The following SH3GLB1 variants were observed in gnomAD, a reference collection of about 807,000 sequenced individuals.
SH3GLB1 encodes the protein SH3 domain containing GRB2 like, endophilin B1.
In SH3GLB1, 17 loss-of-function variants were observed where a neutral mutation model predicts 42.0. The observed-to-expected ratio is 0.40, with a 90% CI of 0.28 to 0.61. The LOEUF is 0.61. Among genes scored for constraint, SH3GLB1 ranks in the 20% least tolerant of loss-of-function variants. The probability of loss-of-function intolerance (pLI) is 0.36; values close to 1 mark genes in which losing one functional copy is unlikely to be tolerated. For missense variants in SH3GLB1, 355 were observed against 426.3 expected (o/e 0.83, Z 1.47); for synonymous variants, 132 against 146.6 (o/e 0.90, Z 0.72).
chr1:86,717,221 T>C (rs1654587437), intron 2 of SH3GLB1, among the ~76,000 whole-genome samples: 2 of 152,216 alleles, frequency 1.3e-5, no homozygotes. Context: ...GCCATTTAAA[T>C]TCTACACTCT....
intron 4 of SH3GLB1, 64 bp from the exon 5 acceptor site, chr1:86,724,249 T>C: frequency 1.8e-6 from 2 of 1,126,786 alleles, no homozygotes; most frequent in South Asian, 3.1e-5. Context: ...ATACTTTAAA[T>C]GTGTATGCTC....
intron 6 of SH3GLB1, 136 bp from the exon 7 acceptor site, chr1:86,734,943 A>G (rs562029598): frequency 2.9e-6 from 2 of 688,816 alleles, no homozygotes; most frequent in East Asian, 5.3e-5. Context: ...ACGAAGGCCA[A>G]TCTTAATAAG....
rs1021322057 is a variant in SH3GLB1 at position 86,724,917 on chromosome 1, TATATA to T, written c.570+518_570+522del. Among the ~76,000 whole-genome samples, 66 of 125,348 alleles carry T rather than the reference TATATA, an allele frequency of 5.3e-4. 3 individuals are homozygous for T. The highest frequency in any genetic ancestry group is 2.0e-3 in the African/African-American group (60 of 29,698). 82.2% of individuals were successfully genotyped at this position (125,348 alleles called of 152,430 possible). ...AATATATATATATATATATATAAAA[TATATA>T]ATATATATGTGTGTGTATATATATA... On this transcript the variant is annotated intron_variant, in intron 5 of 8. Transcript: ENST00000370558.
chr1:86,726,490 G>GT (rs953436476), intron 5 of SH3GLB1, among the ~76,000 whole-genome samples: 6 of 150,894 alleles, frequency 4.0e-5, no homozygotes, highest in Non-Finnish European at 7.4e-5. Flanking sequence ...GAGGATAAAG[G>GT]TTTTTTTTCT....
At chr1:86,732,698 C>T (rs1655577173) in intron 5 of SH3GLB1, among the ~76,000 whole-genome samples, 1 of 152,192 alleles carries the variant, frequency 6.6e-6, no homozygotes, top group Admixed American at 6.5e-5. Flanking sequence ...AACCTAGAAG[C>T]CTGATCCCTC....
At chr1:86,736,207 T>A (rs1199973613) in intron 7 of SH3GLB1, among the ~76,000 whole-genome samples, 1 of 152,140 alleles carries the variant, frequency 6.6e-6, no homozygotes, top group Non-Finnish European at 1.5e-5. Context: ...TAAGTTGTTG[T>A]AAGGAGTTTG....
In SH3GLB1 at chr1:86,716,536, G is replaced by A. The variant is rs374763074; in HGVS notation, c.214+671G>A. Among the ~76,000 whole-genome samples the A allele has an allele frequency of 2.2e-4, 33 of 152,196 alleles. No homozygotes were observed. The East Asian group carries it at 6.4e-3, about 29-fold the overall frequency. On this transcript the variant is annotated intron_variant, in intron 2 of 8. Coordinates refer to ENST00000370558, the MANE Select transcript of SH3GLB1 (RefSeq NM_016009.5). ...CTGACCTCGTGATCCACCTGCCTCGGCCTCCCAAAGTACTGGGATGACAGC... is the reference window on the plus strand; with the variant it reads ...CTGACCTCGTGATCCACCTGCCTCGACCTCCCAAAGTACTGGGATGACAGC...
chr1:86,734,026 TGAAA>T lies in SH3GLB1; in HGVS notation c.571-569_571-566del, dbSNP rs1655652702. 3.9e-5 allele frequency among the ~76,000 whole-genome samples: 6 copies of T among 152,256 alleles called. No homozygotes were observed. The South Asian group carries it at 1.0e-3, about 26-fold the overall frequency. On this transcript the variant is annotated intron_variant, in intron 5 of 8. Transcript: ENST00000370558. ...TTATGCATAGTTTGAAAAGAAAATT[TGAAA>T]GAAAGACATTTAAAATGTAGGACAA... is the stretch of plus-strand genomic sequence containing the variant.
chr1:86,713,255 A>AT (rs1654318455), intron 1 of SH3GLB1, among the ~76,000 whole-genome samples: 2 of 151,686 alleles, frequency 1.3e-5, no homozygotes, highest in South Asian at 2.1e-4. Flanking sequence ...AATTTTTTGG[A>AT]TTTTTTTGTA....
Position 86,719,563 on chromosome 1 carries a change from A to C in SH3GLB1, c.271A>C (p.Ile91Leu). ...EKLDRKAPSR[I>L]NNPELLGQYM... ...ACTGGATAGAAAAGCTCCAAGTCGT[A>C]TAAACAACCCAGAACTTTTGGGACA... is the stretch of plus-strand genomic sequence containing the variant. Residue 91 changes from isoleucine to leucine, a missense_variant, in exon 3 of 9, where the codon ATA becomes CTA. Physicochemically the swap from Ile to Leu is conservative, Grantham distance 5 (BLOSUM62 2). Transcript: ENST00000370558. The C allele has an allele frequency of 6.2e-7, 1 of 1,611,278 alleles. No homozygotes were observed. Among genetic ancestry groups the C allele is most frequent in the South Asian group, 1.1e-5 (1 of 90,756 alleles).
intron 7 of SH3GLB1, 124 bp from the exon 8 acceptor site, chr1:86,742,084 T>C: frequency 1.5e-6 from 1 of 654,812 alleles, no homozygotes; most frequent in Admixed American, 2.8e-5. Flanking sequence ...ATTAACGTAT[T>C]ATTAATATCT....
intron 4 of SH3GLB1, among the ~76,000 whole-genome samples, chr1:86,722,894 A>G (rs1006985749): frequency 1.5e-4 from 23 of 152,188 alleles, no homozygotes; most frequent in Admixed American, 3.9e-4. Context: ...AGATGCCTTT[A>G]TCCCTTTTCA....
Position 86,745,420 on chromosome 1 carries a change from C to T in SH3GLB1, c.*2185C>T, listed in dbSNP as rs969791199. The T allele has an allele frequency of 6.6e-6, 1 of 152,216 alleles. No homozygotes were observed. Among genetic ancestry groups the T allele is most frequent in the Admixed American group, 6.5e-5 (1 of 15,274 alleles). The allele number at this position is 152,216 out of a possible 1,614,324, so 9.4% of individuals were successfully genotyped here. On this transcript the variant is annotated 3_prime_UTR_variant, in exon 9 of 9. Coordinates refer to ENST00000370558, the MANE Select transcript of SH3GLB1 (RefSeq NM_016009.5). ...TATAGGCCTTGCATATCACTGTGCACCAGAGATACCTCTTTTACATCTGGG... is the reference window on the plus strand; with the variant it reads ...TATAGGCCTTGCATATCACTGTGCATCAGAGATACCTCTTTTACATCTGGG...
At chr1:86,707,195 C>G (rs1336226050) in intron 1 of SH3GLB1, among the ~76,000 whole-genome samples, 2 of 152,168 alleles carry the variant, frequency 1.3e-5, no homozygotes, top group Non-Finnish European at 2.9e-5. Flanking sequence ...TATTTTCTAA[C>G]ATTAGTATCG....
intron 2 of SH3GLB1, 73 bp downstream of exon 2, chr1:86,715,938 A>T: frequency 6.8e-7 from 1 of 1,471,178 alleles, no homozygotes; most frequent in South Asian, 1.3e-5. Flanking sequence ...AAAAGTTTTA[A>T]TGGCCATCTG....
rs758335759 is a variant in SH3GLB1, at chr1:86,735,060, C to G, written c.661-19C>G. On this transcript the variant is annotated intron_variant, in intron 6 of 8. Transcript: ENST00000370558. Reference sequence around the variant, plus strand: ...AGTTGACTATACAGCTAAGAACTAACTATAATTTTCCTTCACAGGCCCATC... The same window carrying G: ...AGTTGACTATACAGCTAAGAACTAAGTATAATTTTCCTTCACAGGCCCATC... 5.7e-6 allele frequency: 9 copies of G among 1,591,172 alleles called. No individual in the cohort carries two copies. Among genetic ancestry groups the G allele is most frequent in the Non-Finnish European group, 6.9e-6 (8 of 1,159,756 alleles).
chr1:86,740,899 G>C (rs922236968), intron 7 of SH3GLB1, among the ~76,000 whole-genome samples: 1 of 152,070 alleles, frequency 6.6e-6, no homozygotes, highest in African/African-American at 2.4e-5. Flanking sequence ...TGCAGTAAGA[G>C]ATACTGGGTA....
chr1:86,710,395 GCT>G (rs957291255), intron 1 of SH3GLB1, among the ~76,000 whole-genome samples: 1 of 151,948 alleles, frequency 6.6e-6, no homozygotes, highest in Non-Finnish European at 1.5e-5. Context: ...CCCTCTAGTA[GCT>G]GGGATTACAG....
chr1:86,721,574 A>G (rs1361954136), intron 3 of SH3GLB1, among the ~76,000 whole-genome samples: 1 of 152,104 alleles, frequency 6.6e-6, no homozygotes, highest in Non-Finnish European at 1.5e-5. Flanking sequence ...CTTTCTTTCT[A>G]CTCTACTTTG....
Sources: gnomAD v4.1 joint callset for allele counts (sites outside exome capture counted in the v4.1 genomes callset) on GRCh38, gnomAD v4.1.1 for gene constraint, MANE v1.5 for transcripts, NCBI Gene and HGNC (gene_info 2026-07-23, HGNC 2026-07-21) for gene names.